The following CHST9 variants were observed in gnomAD, a reference collection of about 807,000 sequenced individuals.
CHST9 encodes the protein GalNAc-4-sulfotransferase 2.
Under a neutral mutation model 44.4 loss-of-function variants are expected in CHST9, and 41 were observed. That is an observed-to-expected ratio of 0.92 (90% CI 0.72 to 1.20). The LOEUF (loss-of-function observed/expected upper bound fraction) is 1.20, where lower values mean the gene tolerates loss of function less well. CHST9 is among the 50% of genes most tolerant of loss of function. The pLI is 0.00. For missense variants in CHST9, 504 were observed against 516.5 expected (o/e 0.98, Z 0.23); for synonymous variants, 171 against 178.4 (o/e 0.96, Z 0.33).
chr18:27,131,450 C>T (rs372395381), intron 2 of CHST9, among the ~76,000 whole-genome samples: 2 of 152,186 alleles, frequency 1.3e-5, no homozygotes, highest in East Asian at 1.9e-4. Flanking sequence ...ACTTGGGTGG[C>T]TGAGGCAGGA....
chr18:26,922,577 T>A (rs1299525953), intron 5 of CHST9, among the ~76,000 whole-genome samples: 2 of 152,224 alleles, frequency 1.3e-5, no homozygotes, highest in South Asian at 2.1e-4. Context: ...TGGAAAAATG[T>A]GTGGAATGTT....
At chr18:27,104,514 G>A (rs2058203763) in intron 2 of CHST9, among the ~76,000 whole-genome samples, 1 of 152,140 alleles carries the variant, frequency 6.6e-6, no homozygotes, top group African/African-American at 2.4e-5. Flanking sequence ...GATGCTGCTG[G>A]GAGACAAGTC....
chr18:27,086,530 T>C (rs1303851325), intron 2 of CHST9, among the ~76,000 whole-genome samples: 1 of 152,204 alleles, frequency 6.6e-6, no homozygotes, highest in African/African-American at 2.4e-5. Flanking sequence ...TCAAAAGAGT[T>C]TTCTAACAGG....
intron 4 of CHST9, among the ~76,000 whole-genome samples, chr18:26,996,448 A>G (rs1490959152): frequency 6.6e-6 from 1 of 152,248 alleles, no homozygotes; most frequent in East Asian, 1.9e-4. Context: ...TGAGTTCTTC[A>G]GAGATCTGGT....
chr18:27,025,841 T>C (rs1056483967), intron 3 of CHST9, among the ~76,000 whole-genome samples: 4 of 152,176 alleles, frequency 2.6e-5, no homozygotes, highest in Non-Finnish European at 5.9e-5. Context: ...GAATATTGTT[T>C]AGACTAGAAC....
intron 1 of CHST9, among the ~76,000 whole-genome samples, chr18:27,168,932 G>A (rs1567947666): frequency 6.6e-6 from 1 of 152,198 alleles, no homozygotes; most frequent in Non-Finnish European, 1.5e-5. Flanking sequence ...CCTGAAGTTA[G>A]AAATGATCTC....
intron 2 of CHST9, among the ~76,000 whole-genome samples, chr18:27,076,292 A>G (rs2057902829): frequency 1.3e-5 from 2 of 152,122 alleles, no homozygotes; most frequent in Admixed American, 6.6e-5. Context: ...CAGTAACTCT[A>G]TCCTGTTTAT....
In CHST9 at chr18:26,981,484, A is replaced by C. The variant is rs1288601796; in HGVS notation, c.203-37118T>G. Among the ~76,000 whole-genome samples, 5 of 152,214 alleles carry C rather than the reference A, an allele frequency of 3.3e-5. No individual in the cohort carries two copies. In the East Asian group the frequency reaches 9.6e-4, roughly 29 times the overall value. On this transcript the variant is annotated intron_variant, in intron 4 of 5. Transcript: ENST00000618847. ...AGAACAGAGCCGCATCTATCATTCA[A>C]GTGTTACTAATTTCCATTGTAATGA...
intron 1 of CHST9, among the ~76,000 whole-genome samples, chr18:27,148,171 C>T (rs920314171): frequency 2.0e-5 from 3 of 152,086 alleles, no homozygotes; most frequent in African/African-American, 7.2e-5. Context: ...TAGCTCCATC[C>T]ACGTTTCCAC....
At chr18:27,100,643 T>A (rs952592913) in intron 2 of CHST9, among the ~76,000 whole-genome samples, 7 of 152,162 alleles carry the variant, frequency 4.6e-5, no homozygotes, top group Non-Finnish European at 2.9e-5. Flanking sequence ...ATATGATGCA[T>A]GTGTAAATAA....
chr18:27,173,194 G>A (rs2058845614), intron 1 of CHST9, among the ~76,000 whole-genome samples: 1 of 151,986 alleles, frequency 6.6e-6, no homozygotes, highest in African/African-American at 2.4e-5. Flanking sequence ...TAAATCGAGA[G>A]CTTTGTCTTT....
intron 4 of CHST9, among the ~76,000 whole-genome samples, chr18:26,969,092 G>A (rs2056504043): frequency 6.6e-6 from 1 of 150,966 alleles, no homozygotes; most frequent in South Asian, 2.2e-4. Flanking sequence ...TCCGCCTCCC[G>A]GGTTCACGCC....
intron 4 of CHST9, among the ~76,000 whole-genome samples, chr18:27,006,301 T>C (rs2057014990): frequency 6.6e-6 from 1 of 152,284 alleles, no homozygotes; most frequent in Non-Finnish European, 1.5e-5. Flanking sequence ...TTCAGAGCTC[T>C]CTAAAATTTA....
At chr18:27,111,617 A>T (rs192602127) in intron 2 of CHST9, among the ~76,000 whole-genome samples, 104 of 152,382 alleles carry the variant, frequency 6.8e-4, no homozygotes, top group African/African-American at 2.4e-3. Flanking sequence ...CCACTGAAGT[A>T]AACTGAATTG....
At chr18:27,047,394 G>GTGTGTT (rs1430646198) in intron 3 of CHST9, among the ~76,000 whole-genome samples, 1 of 146,578 alleles carries the variant, frequency 6.8e-6, no homozygotes, top group Non-Finnish European at 1.5e-5. Flanking sequence ...ATAATTGTGT[G>GTGTGTT]TGTGTGTGTG....
intron 5 of CHST9, among the ~76,000 whole-genome samples, chr18:26,942,483 T>C (rs189045465): frequency 4.7e-3 from 716 of 152,324 alleles, no homozygotes; most frequent in African/African-American, 7.7e-3. Flanking sequence ...CAGATCAATA[T>C]TTAAGATTAT....
intron 2 of CHST9, among the ~76,000 whole-genome samples, chr18:27,112,148 TATATTTATACTTATATATA>T (rs2058276556): frequency 6.7e-6 from 1 of 148,824 alleles, no homozygotes; most frequent in Non-Finnish European, 1.5e-5. Flanking sequence ...TAACTATATT[TATATTTATACTTATATATA>T]CCTACATGTA....
intron 2 of CHST9, among the ~76,000 whole-genome samples, chr18:27,087,299 T>C (rs951783622): frequency 3.9e-5 from 6 of 152,290 alleles, no homozygotes; most frequent in Admixed American, 3.9e-4. Flanking sequence ...TCAGGAAGCA[T>C]GTTTCTGTCT....
At chr18:27,057,215 G>C (rs143767874) in intron 2 of CHST9, among the ~76,000 whole-genome samples, 62 of 152,288 alleles carry the variant, frequency 4.1e-4, no homozygotes, top group African/African-American at 1.5e-3. Context: ...ATAGGTAAAT[G>C]CTATCTTTCA....
Sources: allele counts gnomAD v4.1 joint callset (sites outside exome capture counted in the v4.1 genomes callset), GRCh38; gene constraint gnomAD v4.1.1; transcripts MANE v1.5; gene names NCBI Gene and HGNC (gene_info 2026-07-23, HGNC 2026-07-21).